CEP89: variants seen among roughly 807,000 people sequenced by gnomAD.
CEP89 encodes centrosomal protein 89, also known as centrosomal protein of 89 kDa.
Under a neutral mutation model 97.6 loss-of-function variants are expected in CEP89, and 95 were observed. That is an observed-to-expected ratio of 0.97 (90% confidence interval 0.82 to 1.15). The LOEUF (loss-of-function observed/expected upper bound fraction) is 1.15. Among genes scored for constraint, CEP89 ranks in the 50% most tolerant of loss-of-function variants. The probability of loss-of-function intolerance (pLI) is 0.00; values close to 1 mark genes in which losing one functional copy is unlikely to be tolerated. For synonymous variants in CEP89, 354 were observed against 349.1 expected, an observed-to-expected ratio of 1.01 and a Z score of -0.16; for missense variants, 869 against 947.7, an observed-to-expected ratio of 0.92 and a Z score of 1.09.
intron 5 of CEP89, among the ~76,000 whole-genome samples, chr19:32,944,220 T>A (rs1163321175): frequency 2.7e-4 from 17 of 62,418 alleles, no homozygotes; most frequent in Admixed American, 7.7e-4. Flanking sequence ...TGAGACCCTG[T>A]AAAAAAAAAA....
At chr19:32,913,472 A>G (rs915554565) in intron 14 of CEP89, among the ~76,000 whole-genome samples, 1 of 151,908 alleles carries the variant, frequency 6.6e-6, no homozygotes, top group African/African-American at 2.4e-5. Flanking sequence ...GCACATACAC[A>G]TGTAATTATA....
chr19:32,886,217 C>T, intron 17 of CEP89, among the ~76,000 whole-genome samples: 1 of 152,210 alleles, frequency 6.6e-6, no homozygotes, highest in Non-Finnish European at 1.5e-5. Flanking sequence ...TCAGCAGTTT[C>T]CGTCAGTAGG....
At chr19:32,943,850 G>A (rs1168151100) in intron 5 of CEP89, among the ~76,000 whole-genome samples, 8 of 152,040 alleles carry the variant, frequency 5.3e-5, no homozygotes, top group Admixed American at 5.2e-4. Flanking sequence ...AATTTAAAAG[G>A]GTCTGGGGTA....
chr19:32,885,446 G>A (rs188431963), intron 17 of CEP89, among the ~76,000 whole-genome samples: 234 of 152,172 alleles, frequency 1.5e-3, no homozygotes, highest in African/African-American at 5.5e-3. Context: ...TCAGCCTCCC[G>A]AGTAGCTGGG....
At chr19:32,929,267 T>C (rs1021666302) in intron 9 of CEP89, among the ~76,000 whole-genome samples, 4 of 152,054 alleles carry the variant, frequency 2.6e-5, no homozygotes, top group African/African-American at 4.8e-5. Context: ...ATGCTATAAG[T>C]GCCTTAAGAG....
chr19:32,950,723 C>T (rs2145954218), intron 4 of CEP89, among the ~76,000 whole-genome samples: 1 of 152,326 alleles, frequency 6.6e-6, no homozygotes, highest in South Asian at 2.1e-4. Context: ...TCAAGGGACA[C>T]ATCGCCAAAT....
intron 14 of CEP89, among the ~76,000 whole-genome samples, chr19:32,901,623 A>G (rs114897230): frequency 0.01 from 1,549 of 151,594 alleles, 15 homozygotes; most frequent in African/African-American, 0.026. Flanking sequence ...GTGGCTGGGC[A>G]CACACTACGT....
At chr19:32,957,334 T>C (rs1466057060) in intron 3 of CEP89, among the ~76,000 whole-genome samples, 3 of 152,132 alleles carry the variant, frequency 2.0e-5, no homozygotes, top group Non-Finnish European at 2.9e-5. Flanking sequence ...AAGTCAGAGA[T>C]GGGGTGGTTG....
intron 11 of CEP89, among the ~76,000 whole-genome samples, chr19:32,923,949 T>C (rs1970304357): frequency 6.6e-6 from 1 of 151,948 alleles, no homozygotes; most frequent in Non-Finnish European, 1.5e-5. Flanking sequence ...TCATCCTTAA[T>C]TAAAGCTAGA....
rs149816489 is a variant in CEP89, at chr19:32,947,042, G to A, written c.595+1224C>T. On this transcript the variant is annotated intron_variant, in intron 5 of 18. Transcript: ENST00000305768. ...CCAACTGACCAACAGGTGTTTTCTGGCCCCAGGATTATGAGGCTGGCATTC... is the reference window on the plus strand; with the variant it reads ...CCAACTGACCAACAGGTGTTTTCTGACCCCAGGATTATGAGGCTGGCATTC... 5.3e-5 allele frequency among the ~76,000 whole-genome samples: 8 copies of A among 152,034 alleles called. No individual in the cohort carries two copies. The East Asian group carries it at 1.4e-3, about 26-fold the overall frequency.
intron 6 of CEP89, among the ~76,000 whole-genome samples, chr19:32,938,410 G>A (rs747113307): frequency 1.4e-4 from 22 of 152,140 alleles, no homozygotes; most frequent in Non-Finnish European, 2.2e-4. Context: ...TTTGCAAAAT[G>A]CTGAGAAAGG....
chr19:32,970,627 G>C (rs1461975254), intron 1 of CEP89: 1 of 152,186 alleles, frequency 6.6e-6, no homozygotes, highest in African/African-American at 2.4e-5. Context: ...CTCCCGTGTA[G>C]CTGGGATTAC....
chr19:32,881,927 G>C lies in CEP89; in HGVS notation c.2052C>G (p.Ala684=). ...EQQEDFAGKT[A]QYRQEMRHLH... ...GGTGCCGCATCTCCTGCCGGTACTGGGCTGTCTTGCCGGCGAAGTCCTCCT... is the reference window on the plus strand; with the variant it reads ...GGTGCCGCATCTCCTGCCGGTACTGCGCTGTCTTGCCGGCGAAGTCCTCCT... The change falls in exon 18 of 19, where the codon GCC becomes GCG. Residue 684 remains alanine (A), a synonymous_variant. Transcript: ENST00000305768. 1.2e-6 allele frequency: 2 copies of C among 1,604,218 alleles called. No individual in the cohort carries two copies. Among genetic ancestry groups the C allele is most frequent in the South Asian group, 1.1e-5 (1 of 89,388 alleles).
intron 16 of CEP89, among the ~76,000 whole-genome samples, chr19:32,891,779 C>A (rs1224648044): frequency 2.7e-5 from 4 of 149,822 alleles, no homozygotes; most frequent in African/African-American, 7.4e-5. Flanking sequence ...GAAAGAATTT[C>A]TTTTGCTTTT....
intron 3 of CEP89, 63 bp from the exon 4 acceptor site, chr19:32,953,864 TA>T: frequency 1.1e-6 from 1 of 925,256 alleles, no homozygotes; most frequent in Non-Finnish European, 1.6e-6. Flanking sequence ...CACTGATAAA[TA>T]TCTTTTTTTT....
chr19:32,898,830 C>T lies in CEP89; in HGVS notation c.1875+1027G>A, dbSNP rs192161368. On this transcript the variant is annotated intron_variant, in intron 16 of 18. Coordinates refer to ENST00000305768, the MANE Select transcript of CEP89 (RefSeq NM_032816.5). ...CCAGGAAGCGGAGGTTGCAGTGAGC[C>T]GAGATCACGCCACTGCACTCCAGCC... 3.6e-3 allele frequency among the ~76,000 whole-genome samples: 521 copies of T among 146,162 alleles called. 1 individual carries two copies. The highest frequency in any genetic ancestry group is 0.012 in the African/African-American group (484 of 39,344).
At chr19:32,945,935 A>C (rs1970788511) in intron 5 of CEP89, among the ~76,000 whole-genome samples, 1 of 152,166 alleles carries the variant, frequency 6.6e-6, no homozygotes, top group Non-Finnish European at 1.5e-5. Flanking sequence ...GGCCACAGCT[A>C]CATCCTCTCC....
intron 14 of CEP89, among the ~76,000 whole-genome samples, chr19:32,904,190 T>A (rs944305172): frequency 6.6e-6 from 1 of 152,156 alleles, no homozygotes; most frequent in Non-Finnish European, 1.5e-5. Flanking sequence ...AAAGAAACCA[T>A]GCTAAGGCAT....
chr19:32,924,417 C>T (rs1471384882), intron 11 of CEP89, among the ~76,000 whole-genome samples: 11 of 152,206 alleles, frequency 7.2e-5, no homozygotes, highest in Non-Finnish European at 1.2e-4. Flanking sequence ...TGATGCCTAA[C>T]AGTCTATGTC....
Sources: allele counts gnomAD v4.1 joint callset (sites outside exome capture counted in the v4.1 genomes callset), GRCh38; gene constraint gnomAD v4.1.1; transcripts MANE v1.5; gene names NCBI Gene and HGNC (gene_info 2026-07-23, HGNC 2026-07-21).